The following AVL9 variants were observed in gnomAD, a reference collection of about 807,000 sequenced individuals.
AVL9 encodes the protein AVL9 cell migration associated.
In AVL9, 49 loss-of-function variants were observed where a neutral mutation model predicts 79.2. The observed-to-expected ratio is 0.62, with a 90% CI of 0.49 to 0.79. The LOEUF is 0.79. Ranked by LOEUF, AVL9 falls within the 30% of genes least tolerant of loss-of-function variation. The probability of loss-of-function intolerance (pLI) is 0.00; values close to 1 mark genes in which losing one functional copy is unlikely to be tolerated. For synonymous variants in AVL9, 299 were observed against 280.6 expected, an observed-to-expected ratio of 1.07 and a Z score of -0.65; for missense variants, 682 against 776.8, an observed-to-expected ratio of 0.88 and a Z score of 1.45.
chr7:32,555,713 T>G (rs559557514), intron 8 of AVL9, among the ~76,000 whole-genome samples: 1 of 152,350 alleles, frequency 6.6e-6, no homozygotes, highest in South Asian at 2.1e-4. Flanking sequence ...TGGTTTAGAC[T>G]AATCAGGAGC....
rs186011566 is a variant in AVL9 at position 32,569,943 on chromosome 7, C to T, written c.1216-77C>T. 2.4e-5 allele frequency: 34 copies of T among 1,442,804 alleles called. 1 individual carries two copies. The highest frequency in any genetic ancestry group is 4.2e-5 in the African/African-American group (3 of 71,106). 89.4% of individuals were successfully genotyped at this position (1,442,804 alleles called of 1,614,324 possible). On this transcript the variant is annotated intron_variant, in intron 10 of 15. Transcript: ENST00000318709. ...GGAAGAATGGAAGTTTCTTTTCCTA[C>T]TGTTAGCTCACTAAGTTTAAAGAGA...
At chr7:32,579,427 AATATAT>A (rs1491543761) in intron 13 of AVL9, among the ~76,000 whole-genome samples, 1 of 2,418 alleles carries the variant, frequency 4.1e-4, no homozygotes, top group African/African-American at 2.0e-3. Context: ...TTATATATAT[AATATAT>A]ATATTATATA....
chr7:32,556,473 C>T (rs1477854477), intron 8 of AVL9, among the ~76,000 whole-genome samples: 1 of 151,742 alleles, frequency 6.6e-6, no homozygotes, highest in African/African-American at 2.4e-5. Flanking sequence ...AAGATCACAC[C>T]ACTGCACTCT....
intron 5 of AVL9, 44 bp downstream of exon 5, chr7:32,551,467 C>G: frequency 9.2e-7 from 1 of 1,091,000 alleles, no homozygotes. Flanking sequence ...TGAAGATAGA[C>G]TCATGAATCA....
intron 13 of AVL9, among the ~76,000 whole-genome samples, chr7:32,579,472 T>A (rs1199374058): frequency 4.1e-4 from 2 of 4,924 alleles, no homozygotes; most frequent in African/African-American, 1.4e-3. Flanking sequence ...ATATAATATA[T>A]TATATTATAT....
At position 32,563,054 on chromosome 7, in the gene AVL9, C is replaced by T. The variant is rs1053532108; in HGVS notation, c.1215+3590C>T. ...GTTGTGTTTTGTTTTGTTTTTGATA[C>T]AAAGTCTTGTTCTGTCCCCCAGGCT... On this transcript the variant is annotated intron_variant, in intron 10 of 15. Transcript: ENST00000318709. Among the ~76,000 whole-genome samples, 3 of 152,226 alleles carry T rather than the reference C, an allele frequency of 2.0e-5. No homozygotes were observed. The East Asian group carries it at 5.8e-4, about 29-fold the overall frequency.
chr7:32,522,081 G>A (rs545863310), intron 1 of AVL9, among the ~76,000 whole-genome samples: 22 of 152,350 alleles, frequency 1.4e-4, no homozygotes, highest in African/African-American at 5.3e-4. Flanking sequence ...AGTTTGCTAT[G>A]GGGTGGGGCC....
chr7:32,508,633 G>A (rs1297520418), intron 1 of AVL9, among the ~76,000 whole-genome samples: 1 of 152,106 alleles, frequency 6.6e-6, no homozygotes, highest in East Asian at 1.9e-4. Context: ...TATATCTTAT[G>A]TTCCACCTGA....
At chr7:32,505,223 G>A (rs1787354087) in intron 1 of AVL9, among the ~76,000 whole-genome samples, 1 of 151,510 alleles carries the variant, frequency 6.6e-6, no homozygotes, top group African/African-American at 2.4e-5. Flanking sequence ...TAATTTAAAA[G>A]TTTTAGAAAA....
Position 32,552,264 on chromosome 7 carries a change from T to C in AVL9, c.498T>C (p.Gly166=), listed in dbSNP as rs2128138706. The change falls in exon 6 of 16, where the codon GGT becomes GGC. Residue 166 remains glycine (G), a synonymous_variant. Coordinates refer to ENST00000318709, the MANE Select transcript of AVL9 (RefSeq NM_015060.3). Reference sequence around the variant, plus strand: ...AACATATGAATAGTTCCTTGGGAGGTGCTTCATTAGAAGGATCCCAAGTAT... The same window carrying C: ...AACATATGAATAGTTCCTTGGGAGGCGCTTCATTAGAAGGATCCCAAGTAT... ...LYEHMNSSLG[G]ASLEGSQVYL... is the part of the protein sequence containing the mutation. 6.2e-7 allele frequency: 1 copy of C among 1,603,978 alleles called. No individual in the cohort carries two copies. The highest frequency in any genetic ancestry group is 8.5e-7 in the Non-Finnish European group (1 of 1,171,692).
intron 1 of AVL9, among the ~76,000 whole-genome samples, chr7:32,529,967 G>A (rs754754178): frequency 3.3e-5 from 5 of 152,088 alleles, no homozygotes; most frequent in Non-Finnish European, 7.4e-5. Context: ...ATCAGTAACT[G>A]CTGTATAGTA....
intron 8 of AVL9, among the ~76,000 whole-genome samples, chr7:32,557,391 T>C (rs1296745652): frequency 6.6e-6 from 1 of 152,192 alleles, no homozygotes; most frequent in Non-Finnish European, 1.5e-5. Flanking sequence ...TCAAGGATCA[T>C]GTACTGCATT....
intron 7 of AVL9, 24 bp from the exon 8 acceptor site, chr7:32,554,534 C>A: frequency 2.8e-6 from 4 of 1,449,518 alleles, no homozygotes; most frequent in South Asian, 1.3e-5. Context: ...CATTTCAATA[C>A]AACATTTTTT....
chr7:32,553,335 T>C (rs1383112335), intron 6 of AVL9, among the ~76,000 whole-genome samples: 2 of 152,202 alleles, frequency 1.3e-5, no homozygotes, highest in Admixed American at 1.3e-4. Flanking sequence ...TTTATGTTTA[T>C]AGAATGGGGA....
At chr7:32,572,158 T>G (rs1286898324) in intron 11 of AVL9, among the ~76,000 whole-genome samples, 1 of 139,922 alleles carries the variant, frequency 7.1e-6, no homozygotes, top group Non-Finnish European at 1.5e-5. Flanking sequence ...TGAAATTCTG[T>G]CTCAAAAAAA....
chr7:32,536,186 C>T (rs1036927082), intron 1 of AVL9: 1 of 151,852 alleles, frequency 6.6e-6, no homozygotes, highest in African/African-American at 2.4e-5. Context: ...CCATGTACAG[C>T]TATATGTACT....
chr7:32,533,995 C>CT (rs1400115626), intron 1 of AVL9: 1 of 152,106 alleles, frequency 6.6e-6, no homozygotes, highest in Non-Finnish European at 1.5e-5. Context: ...TTTTCTCAGT[C>CT]TTTTTTTCTG....
chr7:32,548,426 G>T (rs1789635796), intron 3 of AVL9, among the ~76,000 whole-genome samples: 1 of 152,106 alleles, frequency 6.6e-6, no homozygotes, highest in Non-Finnish European at 1.5e-5. Flanking sequence ...GAGATTACAG[G>T]CTTGAGCCAT....
chr7:32,579,469 ATATTATAT>A (rs1791308803), intron 13 of AVL9, among the ~76,000 whole-genome samples: 1 of 6,582 alleles, frequency 1.5e-4, no homozygotes, highest in African/African-American at 9.5e-4. Flanking sequence ...TATATATAAT[ATATTATAT>A]TATATATAAT....
Sources: gnomAD v4.1 joint callset for allele counts (sites outside exome capture counted in the v4.1 genomes callset) on GRCh38, gnomAD v4.1.1 for gene constraint, MANE v1.5 for transcripts, NCBI Gene and HGNC (gene_info 2026-07-23, HGNC 2026-07-21) for gene names.